Variants in ANKS1B observed in about 807,000 individuals in gnomAD.
ANKS1B encodes the protein ankyrin repeat and sterile alpha motif domain-containing protein 1B.
A neutral mutation model predicts 148.3 loss-of-function variants in ANKS1B; 36 were observed. The observed-to-expected ratio is 0.24, with a 90% CI of 0.19 to 0.32. The LOEUF (loss-of-function observed/expected upper bound fraction) is 0.32, where lower values mean the gene tolerates loss of function less well. ANKS1B is among the 10% of genes least tolerant of loss of function. ANKS1B has a pLI of 1.00. For synonymous variants in ANKS1B, 542 were observed against 560.8 expected (o/e 0.97, Z 0.47); for missense variants, 1,157 against 1,542.6 (o/e 0.75, Z 4.19).
In ANKS1B at chr12:99,800,866, T is replaced by C. The variant is rs76784305; in HGVS notation, c.669+5538A>G. ...TGGTAATTGTCAGATAAAGATGATA[T>C]TGGAACTCAAGAGATTGGATGAGGT... On this transcript the variant is annotated intron_variant, in intron 4 of 26. Transcript: ENST00000683438. Among the ~76,000 whole-genome samples the C allele has an allele frequency of 1.3e-3, 199 of 152,112 alleles. 5 individuals are homozygous for C. The East Asian group carries it at 0.032, about 25-fold the overall frequency.
chr12:99,572,408 T>G (rs1404593862), intron 9 of ANKS1B, among the ~76,000 whole-genome samples: 1 of 152,094 alleles, frequency 6.6e-6, no homozygotes, highest in Non-Finnish European at 1.5e-5. Flanking sequence ...GAGATTAATC[T>G]TATGCCAGGC....
chr12:99,308,345 A>G (rs1253038820), intron 12 of ANKS1B, among the ~76,000 whole-genome samples: 1 of 152,022 alleles, frequency 6.6e-6, no homozygotes, highest in Admixed American at 6.6e-5. Flanking sequence ...GTTGGTAAAG[A>G]AGTTGACAAG....
intron 9 of ANKS1B, among the ~76,000 whole-genome samples, chr12:99,652,880 G>A (rs1433891731): frequency 6.6e-6 from 1 of 152,092 alleles, no homozygotes; most frequent in African/African-American, 2.4e-5. Flanking sequence ...AAATAATATA[G>A]AGCCATAATT....
At chr12:99,631,398 T>G (rs11109955) in intron 9 of ANKS1B, among the ~76,000 whole-genome samples, 22,829 of 151,974 alleles carry the variant, frequency 0.15, 1,889 homozygotes, top group Middle Eastern at 0.19. Flanking sequence ...GGGCAGAAGC[T>G]GGAAGAATTT....
intron 9 of ANKS1B, among the ~76,000 whole-genome samples, chr12:99,524,277 C>G (rs998562579): frequency 4.6e-5 from 7 of 152,078 alleles, no homozygotes; most frequent in Admixed American, 4.6e-4. Context: ...GAATGAATGA[C>G]AGAAAGGCAG....
intron 14 of ANKS1B, chr12:99,154,744 G>C: frequency 6.9e-7 from 1 of 1,440,204 alleles, no homozygotes; most frequent in African/African-American, 1.4e-5. Context: ...GTGATTGTTG[G>C]AGTACTCCAC....
At chr12:99,926,236 C>T (rs1472351702) in intron 1 of ANKS1B, among the ~76,000 whole-genome samples, 6 of 152,190 alleles carry the variant, frequency 3.9e-5, no homozygotes, top group African/African-American at 1.4e-4. Context: ...AAGTACAAAA[C>T]ATACTCCAAC....
chr12:99,758,516 A>G (rs1196297235), intron 8 of ANKS1B, among the ~76,000 whole-genome samples: 1 of 149,666 alleles, frequency 6.7e-6, no homozygotes, highest in Admixed American at 6.7e-5. Context: ...AGGTACTATT[A>G]TTCTTATTGC....
intron 9 of ANKS1B, among the ~76,000 whole-genome samples, chr12:99,641,969 G>A (rs747470038): frequency 7.9e-5 from 12 of 152,080 alleles, no homozygotes; most frequent in Non-Finnish European, 1.6e-4. Context: ...AGTATAAATA[G>A]TCCATAGAAT....
intron 21 of ANKS1B, 36 bp downstream of exon 21, chr12:98,800,961 C>A (rs748601014): frequency 6.3e-7 from 1 of 1,596,298 alleles, no homozygotes; most frequent in Non-Finnish European, 8.5e-7. Flanking sequence ...CCCCTATCTC[C>A]ACTTAGGCCC....
chr12:99,964,767 C>T (rs2095464319), intron 1 of ANKS1B, among the ~76,000 whole-genome samples: 1 of 152,110 alleles, frequency 6.6e-6, no homozygotes, highest in Non-Finnish European at 1.5e-5. Flanking sequence ...GATTATTCCC[C>T]TGTAGATGCA....
At chr12:99,912,505 C>A (rs1390416645) in intron 1 of ANKS1B, among the ~76,000 whole-genome samples, 1 of 152,114 alleles carries the variant, frequency 6.6e-6, no homozygotes, top group Non-Finnish European at 1.5e-5. Flanking sequence ...GCACACACCA[C>A]CACGCCTGGC....
intron 17 of ANKS1B, among the ~76,000 whole-genome samples, chr12:98,915,455 G>A (rs759818562): frequency 2.1e-4 from 32 of 152,218 alleles, no homozygotes; most frequent in Non-Finnish European, 3.1e-4. Flanking sequence ...AGGTTCAAGC[G>A]ATCCTCCTGC....
intron 9 of ANKS1B, among the ~76,000 whole-genome samples, chr12:99,653,407 C>T (rs1182495290): frequency 1.3e-5 from 2 of 152,022 alleles, no homozygotes; most frequent in Non-Finnish European, 2.9e-5. Flanking sequence ...TAGGTTAAAA[C>T]ATTTAATTAT....
At chr12:99,111,178 T>C (rs1281724448) in intron 15 of ANKS1B, among the ~76,000 whole-genome samples, 2 of 152,200 alleles carry the variant, frequency 1.3e-5, no homozygotes, top group Admixed American at 6.5e-5. Flanking sequence ...GACTATAGAA[T>C]GGCAGAATGC....
At chr12:99,445,561 T>C (rs140796314) in intron 10 of ANKS1B, among the ~76,000 whole-genome samples, 7 of 152,124 alleles carry the variant, frequency 4.6e-5, no homozygotes, top group African/African-American at 1.7e-4. Flanking sequence ...AGGTATCATT[T>C]TGGAGCAGAA....
At chr12:99,505,110 C>G (rs1403603891) in intron 9 of ANKS1B, among the ~76,000 whole-genome samples, 1 of 151,990 alleles carries the variant, frequency 6.6e-6, no homozygotes, top group East Asian at 1.9e-4. Flanking sequence ...CTTTCAGAGC[C>G]AAGGCCATCC....
chr12:99,253,683 G>T (rs563470986), intron 12 of ANKS1B, among the ~76,000 whole-genome samples: 1 of 152,264 alleles, frequency 6.6e-6, no homozygotes, highest in South Asian at 2.1e-4. Flanking sequence ...GTTTGACTAG[G>T]AATGGGAATC....
chr12:99,305,122 G>A (rs1352225777), intron 12 of ANKS1B, among the ~76,000 whole-genome samples: 1 of 151,814 alleles, frequency 6.6e-6, no homozygotes, highest in Admixed American at 6.6e-5. Flanking sequence ...AGAGATGGGG[G>A]AGGTCCTAAA....
Sources: allele counts gnomAD v4.1 joint callset (sites outside exome capture counted in the v4.1 genomes callset), GRCh38; gene constraint gnomAD v4.1.1; transcripts MANE v1.5; gene names NCBI Gene and HGNC (gene_info 2026-07-23, HGNC 2026-07-21).